CNTN6: variants seen among roughly 807,000 people sequenced by gnomAD.
CNTN6 encodes the protein contactin-6.
In CNTN6, 137 loss-of-function variants were observed where a neutral mutation model predicts 122.8. The ratio of observed to expected loss-of-function variants is 1.12; its 90% confidence interval spans 0.97 to 1.29. The LOEUF is 1.29. CNTN6 is among the 50% of genes most tolerant of loss of function. CNTN6 has a pLI of 0.00. For missense variants in CNTN6, 1,634 were observed against 1,223.4 expected (o/e 1.34, Z -5.01); for synonymous variants, 570 against 426.0 (o/e 1.34, Z -4.16).
At chr3:1,115,112 G>A (rs899130979) in intron 1 of CNTN6, among the ~76,000 whole-genome samples, 1 of 152,124 alleles carries the variant, frequency 6.6e-6, no homozygotes, top group Non-Finnish European at 1.5e-5. Flanking sequence ...GAGTTTATAT[G>A]ATCCTTCTGT....
At chr3:1,366,393 A>G (rs1252817105) in intron 12 of CNTN6, among the ~76,000 whole-genome samples, 1 of 152,142 alleles carries the variant, frequency 6.6e-6, no homozygotes. Context: ...GAAGTGTTTC[A>G]GTGTCGATGA....
At chr3:1,271,184 C>G (rs1484231460) in intron 4 of CNTN6, among the ~76,000 whole-genome samples, 1 of 152,202 alleles carries the variant, frequency 6.6e-6, no homozygotes, top group East Asian at 1.9e-4. Flanking sequence ...TGTCTAGAAA[C>G]ACAGCATCTG....
intron 4 of CNTN6, among the ~76,000 whole-genome samples, chr3:1,230,114 A>C (rs1039203590): frequency 6.6e-6 from 1 of 152,164 alleles, no homozygotes; most frequent in African/African-American, 2.4e-5. Flanking sequence ...CTTAATTATA[A>C]TTCCTCACAA....
At chr3:1,396,848 T>G (rs1292205096) in intron 20 of CNTN6, among the ~76,000 whole-genome samples, 1 of 152,236 alleles carries the variant, frequency 6.6e-6, no homozygotes, top group Non-Finnish European at 1.5e-5. Context: ...TATGTAACTT[T>G]GACTCTCCAT....
chr3:1,282,116 G>C (rs1693567114), intron 5 of CNTN6, among the ~76,000 whole-genome samples: 1 of 152,144 alleles, frequency 6.6e-6, no homozygotes, highest in South Asian at 2.1e-4. Flanking sequence ...AAAGTGTCTA[G>C]ATGGTTTTTC....
intron 1 of CNTN6, among the ~76,000 whole-genome samples, chr3:1,127,588 G>C (rs2125086142): frequency 1.3e-5 from 2 of 151,922 alleles, no homozygotes; most frequent in East Asian, 3.9e-4. Context: ...AACACAACCA[G>C]AAGAAGCCTG....
intron 2 of CNTN6, among the ~76,000 whole-genome samples, chr3:1,164,903 C>T (rs1199414593): frequency 2.0e-5 from 3 of 152,150 alleles, no homozygotes; most frequent in South Asian, 2.1e-4. Flanking sequence ...TATCACTGTA[C>T]ATCTGAGTGG....
intron 1 of CNTN6, among the ~76,000 whole-genome samples, chr3:1,118,668 T>G (rs1168526822): frequency 6.6e-6 from 1 of 152,150 alleles, no homozygotes; most frequent in Non-Finnish European, 1.5e-5. Context: ...TTCATGTTGT[T>G]TTCTTCTATT....
At chr3:1,382,858 A>G in intron 17 of CNTN6, 84 bp from the exon 18 acceptor site, 2 of 913,416 alleles carry the variant, frequency 2.2e-6, no homozygotes, top group South Asian at 1.6e-5. Context: ...TCTATGGAAG[A>G]AATGTGAAAT....
intron 19 of CNTN6, among the ~76,000 whole-genome samples, chr3:1,384,784 T>TACACACAC (rs1262554562): frequency 2.2e-5 from 3 of 133,610 alleles, no homozygotes; most frequent in African/African-American, 5.4e-5. Context: ...TATATATATA[T>TACACACAC]ATATATATAT....
At chr3:1,361,888 A>G (rs1450685946) in intron 12 of CNTN6, among the ~76,000 whole-genome samples, 1 of 152,136 alleles carries the variant, frequency 6.6e-6, no homozygotes, top group African/African-American at 2.4e-5. Flanking sequence ...TTCTTCTCAG[A>G]AATTTGTCAA....
At chr3:1,159,554 G>C (rs564738852) in intron 2 of CNTN6, among the ~76,000 whole-genome samples, 10 of 152,082 alleles carry the variant, frequency 6.6e-5, no homozygotes, top group African/African-American at 2.4e-4. Context: ...TGTGGATAAG[G>C]CGGGACTATT....
intron 4 of CNTN6, among the ~76,000 whole-genome samples, chr3:1,241,356 C>G (rs2094480976): frequency 6.6e-6 from 1 of 151,928 alleles, no homozygotes; most frequent in South Asian, 2.1e-4. Flanking sequence ...AGGGCTGCTT[C>G]AAGCGGGATT....
intron 4 of CNTN6, among the ~76,000 whole-genome samples, chr3:1,248,279 G>A (rs1309810336): frequency 6.6e-6 from 1 of 152,098 alleles, no homozygotes; most frequent in Non-Finnish European, 1.5e-5. Flanking sequence ...GTAGCAGTGA[G>A]GGAATAATGG....
chr3:1,338,576 T>A (rs1408061421), intron 11 of CNTN6, among the ~76,000 whole-genome samples: 1 of 152,192 alleles, frequency 6.6e-6, no homozygotes, highest in East Asian at 1.9e-4. Flanking sequence ...TCTATCTCAC[T>A]GTTGAAGAGA....
intron 20 of CNTN6, chr3:1,394,598 C>T (rs1423376419): frequency 6.6e-6 from 1 of 151,896 alleles, no homozygotes; most frequent in African/African-American, 2.4e-5. Context: ...ATATATATAT[C>T]AGAACATCTC....
intron 4 of CNTN6, among the ~76,000 whole-genome samples, chr3:1,233,073 T>C (rs1402854252): frequency 6.6e-6 from 1 of 152,204 alleles, no homozygotes; most frequent in East Asian, 1.9e-4. Flanking sequence ...CACTTATAAG[T>C]AGTCCTTTAT....
chr3:1,095,425 C>G (rs535265894), intron 1 of CNTN6, among the ~76,000 whole-genome samples: 1 of 152,072 alleles, frequency 6.6e-6, no homozygotes, highest in Non-Finnish European at 1.5e-5. Context: ...GAGCAGAGAT[C>G]GCGCCATTGC....
chr3:1,308,135 C>T (rs1698648441), intron 7 of CNTN6, among the ~76,000 whole-genome samples: 1 of 152,154 alleles, frequency 6.6e-6, no homozygotes, highest in South Asian at 2.1e-4. Flanking sequence ...TCTGTCAGTA[C>T]TGACTCACAT....
Sources: allele counts gnomAD v4.1 joint callset (sites outside exome capture counted in the v4.1 genomes callset), GRCh38; gene constraint gnomAD v4.1.1; transcripts MANE v1.5; gene names NCBI Gene and HGNC (gene_info 2026-07-23, HGNC 2026-07-21).